SLC16A12: variants seen among roughly 807,000 people sequenced by gnomAD.
SLC16A12 encodes the protein solute carrier family 16 member 12, also known as monocarboxylate transporter 12.
SLC16A12 carries 17 observed loss-of-function variants against 42.4 expected under a neutral mutation model. That is an observed-to-expected ratio of 0.40 (90% confidence interval 0.27 to 0.60). The LOEUF (loss-of-function observed/expected upper bound fraction) is 0.60. SLC16A12 is among the 20% of genes least tolerant of loss of function. SLC16A12 has a pLI of 0.42. For synonymous variants in SLC16A12, 224 were observed against 229.4 expected, an observed-to-expected ratio of 0.98 and a Z score of 0.21; for missense variants, 544 against 623.0, an observed-to-expected ratio of 0.87 and a Z score of 1.35.
chr10:89,458,342 C>A (rs956653660), intron 3 of SLC16A12, among the ~76,000 whole-genome samples: 10 of 152,144 alleles, frequency 6.6e-5, no homozygotes, highest in Middle Eastern at 3.2e-3. Context: ...CTTCATGGTT[C>A]TTCCACAGAC....
intron 1 of SLC16A12, among the ~76,000 whole-genome samples, chr10:89,534,878 G>A (rs980283171): frequency 5.9e-5 from 9 of 151,926 alleles, no homozygotes; most frequent in South Asian, 2.1e-4. Flanking sequence ...TGTGAAAACG[G>A]AAGACTAACC....
intron 2 of SLC16A12, among the ~76,000 whole-genome samples, chr10:89,542,903 T>C (rs1843723434): frequency 6.6e-6 from 1 of 152,190 alleles, no homozygotes. Context: ...TCAACACTAA[T>C]GGGCACCCTC....
chr10:89,439,219 C>T (rs1201507720), intron 5 of SLC16A12, 36 bp from the exon 6 acceptor site: 8 of 1,553,010 alleles, frequency 5.2e-6, no homozygotes, highest in Non-Finnish European at 7.1e-6. Context: ...TGCTGAAGTA[C>T]CATAAACAGC....
At chr10:89,542,682 A>T (rs921359566) in intron 2 of SLC16A12, among the ~76,000 whole-genome samples, 27 of 152,302 alleles carry the variant, frequency 1.8e-4, no homozygotes, top group African/African-American at 6.3e-4. Flanking sequence ...TGCATGGCTC[A>T]CTAGAACCAC....
In SLC16A12 at chr10:89,436,899, A is replaced by AGAAG. The variant is rs1564567548; in HGVS notation, c.1029-581_1029-580insCTTC. On this transcript the variant is annotated intron_variant, in intron 6 of 7. Coordinates refer to ENST00000371790, the MANE Select transcript of SLC16A12 (RefSeq NM_213606.4). ...AAGAAAGAAAGAAAGAAAGAAAGAA[A>AGAAG]GAAAGAAAGAAAGAAAAAGAAAGAG... is the stretch of plus-strand genomic sequence containing the variant. Among the ~76,000 whole-genome samples the AGAAG allele has an allele frequency of 3.1e-3, 460 of 149,644 alleles. 2 individuals are homozygous for AGAAG. The highest frequency in any genetic ancestry group is 0.011 in the African/African-American group (432 of 39,878).
intron 2 of SLC16A12, among the ~76,000 whole-genome samples, chr10:89,482,891 C>T (rs887548113): frequency 1.3e-5 from 2 of 152,088 alleles, no homozygotes; most frequent in African/African-American, 4.8e-5. Flanking sequence ...CATCAATATG[C>T]CTTCTTAATC....
chr10:89,505,749 G>A (rs750965591), intron 2 of SLC16A12, among the ~76,000 whole-genome samples: 4 of 152,152 alleles, frequency 2.6e-5, no homozygotes, highest in African/African-American at 4.8e-5. Context: ...CATGGTCTTC[G>A]CAACCGGAAG....
intron 2 of SLC16A12, among the ~76,000 whole-genome samples, chr10:89,514,596 A>G (rs1178676083): frequency 1.3e-5 from 2 of 152,172 alleles, no homozygotes; most frequent in Non-Finnish European, 2.9e-5. Flanking sequence ...TGTTCTCATC[A>G]GGACACTAAT....
At chr10:89,486,823 C>A (rs933980768) in intron 2 of SLC16A12, among the ~76,000 whole-genome samples, 1 of 151,900 alleles carries the variant, frequency 6.6e-6, no homozygotes, top group Non-Finnish European at 1.5e-5. Flanking sequence ...CTTTTTCTCT[C>A]CTTTGTTTTC....
intron 2 of SLC16A12, among the ~76,000 whole-genome samples, chr10:89,502,037 CT>C (rs1474441532): frequency 6.6e-6 from 1 of 152,134 alleles, no homozygotes; most frequent in Admixed American, 6.5e-5. Context: ...TACTGTGTTG[CT>C]TTTAAGTTAT....
intron 2 of SLC16A12, among the ~76,000 whole-genome samples, chr10:89,501,490 C>T (rs184952003): frequency 1.2e-4 from 19 of 152,098 alleles, no homozygotes; most frequent in Middle Eastern, 3.2e-3. Flanking sequence ...ATAGAGAACC[C>T]AGAAATAAAC....
chr10:89,481,664 T>TGTGAGAGAGA (rs559651910), intron 2 of SLC16A12, among the ~76,000 whole-genome samples: 1 of 139,570 alleles, frequency 7.2e-6, no homozygotes, highest in East Asian at 2.2e-4. Context: ...TGTGTGTGTG[T>TGTGAGAGAGA]GAGAGAGAGA....
upstream of SLC16A12, among the ~76,000 whole-genome samples, chr10:89,538,970 C>T (rs992142734): frequency 6.6e-6 from 1 of 152,208 alleles, no homozygotes; most frequent in African/African-American, 2.4e-5. Flanking sequence ...CACTGTCCTC[C>T]AGGTGATATC....
chr10:89,503,788 C>T (rs77852940), intron 2 of SLC16A12, among the ~76,000 whole-genome samples: 5,185 of 152,260 alleles, frequency 0.034, 298 homozygotes, highest in African/African-American at 0.12. Flanking sequence ...ACAGAGGCCA[C>T]TGTAGCCAGC....
chr10:89,531,734 G>T lies in SLC16A12; in HGVS notation c.-47+2767C>A, dbSNP rs72816752. 6.4e-3 allele frequency among the ~76,000 whole-genome samples: 973 copies of T among 152,254 alleles called. 15 individuals are homozygous for T. Among genetic ancestry groups the T allele is most frequent in the African/African-American group, 0.022 (925 of 41,536 alleles). ...TGGTTCCCAAGAGGAAGTTCTCTAC[G>T]TGTCTTCAAAAAGAGGCAAGGATGT... is the stretch of plus-strand genomic sequence containing the variant. On this transcript the variant is annotated intron_variant, in intron 2 of 7. Coordinates refer to ENST00000371790, the MANE Select transcript of SLC16A12 (RefSeq NM_213606.4).
At chr10:89,550,479 A>C (rs1843764034) in intron 2 of SLC16A12, among the ~76,000 whole-genome samples, 1 of 152,224 alleles carries the variant, frequency 6.6e-6, no homozygotes, top group South Asian at 2.1e-4. Context: ...AGATCGCGCC[A>C]CTGCACTCCA....
At chr10:89,457,600 C>A (rs1166951595) in intron 3 of SLC16A12, among the ~76,000 whole-genome samples, 2 of 152,132 alleles carry the variant, frequency 1.3e-5, no homozygotes, top group Non-Finnish European at 2.9e-5. Context: ...ACCAGAAATA[C>A]CATGAAGTGT....
chr10:89,521,273 T>C (rs1843350357), intron 2 of SLC16A12, among the ~76,000 whole-genome samples: 1 of 152,198 alleles, frequency 6.6e-6, no homozygotes, highest in South Asian at 2.1e-4. Context: ...CAAGTCGAGA[T>C]TTCTGTTCCT....
chr10:89,503,399 T>C (rs112288124), intron 2 of SLC16A12, among the ~76,000 whole-genome samples: 3,231 of 152,276 alleles, frequency 0.021, 69 homozygotes, highest in African/African-American at 0.024. Context: ...CCACGTAGAA[T>C]TATAAAAGGT....
Sources: gnomAD v4.1 joint callset for allele counts (sites outside exome capture counted in the v4.1 genomes callset) on GRCh38, gnomAD v4.1.1 for gene constraint, MANE v1.5 for transcripts, NCBI Gene and HGNC (gene_info 2026-07-23, HGNC 2026-07-21) for gene names.